Variants in CTIF observed in about 807,000 individuals in gnomAD.
The protein encoded by CTIF is CBP80/20-dependent translation initiation factor.
A neutral mutation model predicts 66.0 loss-of-function variants in CTIF; 21 were observed. The observed-to-expected ratio is 0.32, with a 90% confidence interval of 0.23 to 0.46. The LOEUF is 0.46. Ranked by LOEUF, CTIF falls within the 20% of genes least tolerant of loss-of-function variation. CTIF has a pLI of 1.00. For synonymous variants in CTIF, 345 were observed against 326.4 expected (o/e 1.06, Z -0.62); for missense variants, 739 against 812.7 (o/e 0.91, Z 1.10).
intron 9 of CTIF, among the ~76,000 whole-genome samples, chr18:48,776,433 C>T (rs1034041762): frequency 3.3e-5 from 5 of 152,218 alleles, no homozygotes; most frequent in East Asian, 1.9e-4. Context: ...TGCCATGGGG[C>T]GGGTCTGCAC....
At chr18:48,684,071 A>G (rs2091793867) in intron 6 of CTIF, among the ~76,000 whole-genome samples, 1 of 152,220 alleles carries the variant, frequency 6.6e-6, no homozygotes, top group Non-Finnish European at 1.5e-5. Context: ...ATTGGAGCAA[A>G]TGACCTCAGT....
At chr18:48,691,140 T>G (rs1016347207) in intron 6 of CTIF, among the ~76,000 whole-genome samples, 1 of 152,202 alleles carries the variant, frequency 6.6e-6, no homozygotes, top group Admixed American at 6.5e-5. Context: ...CAAAATAACT[T>G]CAGTGGAAAC....
intron 2 of CTIF, among the ~76,000 whole-genome samples, chr18:48,626,706 A>G (rs1319274046): frequency 4.0e-5 from 5 of 125,124 alleles, no homozygotes; most frequent in South Asian, 2.9e-4. Flanking sequence ...TCGAGGCTGG[A>G]GTGCAATGGT....
chr18:48,587,302 G>C (rs8095766), intron 1 of CTIF, among the ~76,000 whole-genome samples: 2,171 of 151,916 alleles, frequency 0.014, 45 homozygotes, highest in African/African-American at 0.051. Flanking sequence ...GGCTGGTCTC[G>C]AACTCCTGAC....
intron 5 of CTIF, 129 bp downstream of exon 5, chr18:48,664,680 A>G: frequency 1.4e-6 from 1 of 727,464 alleles, no homozygotes; most frequent in South Asian, 1.7e-5. Flanking sequence ...TGCTCTTCTT[A>G]TGCGTCCCAG....
At chr18:48,848,424 CAG>C (rs2069127684) in intron 10 of CTIF, among the ~76,000 whole-genome samples, 1 of 152,208 alleles carries the variant, frequency 6.6e-6, no homozygotes, top group Non-Finnish European at 1.5e-5. Context: ...CTCCTCCAGG[CAG>C]GGGCTGGGCT....
chr18:48,737,586 AG>A (rs1345355721), intron 7 of CTIF, among the ~76,000 whole-genome samples: 1 of 152,198 alleles, frequency 6.6e-6, no homozygotes, highest in African/African-American at 2.4e-5. Flanking sequence ...CAAAAGCAGA[AG>A]GAAATACATG....
chr18:48,841,130 C>T (rs984108273), intron 10 of CTIF, among the ~76,000 whole-genome samples: 1 of 152,096 alleles, frequency 6.6e-6, no homozygotes, highest in Non-Finnish European at 1.5e-5. Context: ...GGTAAAAGCC[C>T]CCTACATTTA....
At chr18:48,711,432 C>T (rs2092222344) in intron 6 of CTIF, among the ~76,000 whole-genome samples, 187 bp from the exon 7 acceptor site, 1 of 152,228 alleles carries the variant, frequency 6.6e-6, no homozygotes, top group African/African-American at 2.4e-5. Flanking sequence ...GCATCACTGC[C>T]TGGTAGGAAG....
chr18:48,798,335 A>G (rs1401444182), intron 9 of CTIF, among the ~76,000 whole-genome samples: 2 of 152,216 alleles, frequency 1.3e-5, no homozygotes, highest in African/African-American at 4.8e-5. Context: ...ACTGAAGCCC[A>G]GAGCTGTCAG....
At chr18:48,731,600 G>A (rs1056517707) in intron 7 of CTIF, among the ~76,000 whole-genome samples, 3 of 152,238 alleles carry the variant, frequency 2.0e-5, no homozygotes, top group Admixed American at 6.5e-5. Context: ...TAAGTGAAAG[G>A]TGTGTGGATG....
intron 1 of CTIF, among the ~76,000 whole-genome samples, chr18:48,591,930 T>C (rs1389311233): frequency 6.6e-6 from 1 of 152,158 alleles, no homozygotes; most frequent in African/African-American, 2.4e-5. Flanking sequence ...AAATTCTTTT[T>C]TTGTAGAGAT....
At chr18:48,574,809 A>G (rs1325798141) in intron 1 of CTIF, among the ~76,000 whole-genome samples, 1 of 152,220 alleles carries the variant, frequency 6.6e-6, no homozygotes, top group African/African-American at 2.4e-5. Context: ...CTCTTTCATT[A>G]GACACAGCCC....
intron 2 of CTIF, among the ~76,000 whole-genome samples, chr18:48,626,765 C>T (rs922335225): frequency 1.3e-5 from 2 of 150,100 alleles, no homozygotes; most frequent in African/African-American, 2.5e-5. Flanking sequence ...AAGCGATTCT[C>T]CTGCCTCAGC....
Position 48,548,240 on chromosome 18 carries a change from G to C in CTIF, c.-29+8928G>C, listed in dbSNP as rs1355617290. ...GTTCCCTTATAGGGCCTTCCCCTGG[G>C]GTAGGCAGTATCATGATCTCACCAG... On this transcript the variant is annotated intron_variant, in intron 1 of 11. Transcript: ENST00000256413. Among the ~76,000 whole-genome samples the C allele has an allele frequency of 2.0e-5, 3 of 152,152 alleles. No individual in the cohort carries two copies. In the South Asian group the frequency reaches 6.2e-4, roughly 32 times the overall value.
Position 48,791,418 on chromosome 18 carries a change from G to T in CTIF, c.1372-25803G>T, listed in dbSNP as rs571055726. Among the ~76,000 whole-genome samples, 5 of 152,292 alleles carry T rather than the reference G, an allele frequency of 3.3e-5. No individual in the cohort carries two copies. In the East Asian group the frequency reaches 5.8e-4, roughly 18 times the overall value. On this transcript the variant is annotated intron_variant, in intron 9 of 11. Coordinates refer to ENST00000256413, the MANE Select transcript of CTIF (RefSeq NM_014772.3). ...AGAAAGGCAGGCTCTGGATAGACAGGCAGGGACACAGGCAGGGCTACCAGA... is the reference window on the plus strand; with the variant it reads ...AGAAAGGCAGGCTCTGGATAGACAGTCAGGGACACAGGCAGGGCTACCAGA...
At chr18:48,766,006 G>A (rs937221387) in intron 9 of CTIF, among the ~76,000 whole-genome samples, 1 of 148,840 alleles carries the variant, frequency 6.7e-6, no homozygotes, top group Non-Finnish European at 1.5e-5. Flanking sequence ...ACAACATGCA[G>A]GTTAGTTACA....
chr18:48,627,993 C>T (rs565571785), intron 2 of CTIF, among the ~76,000 whole-genome samples: 7 of 152,224 alleles, frequency 4.6e-5, no homozygotes, highest in African/African-American at 9.6e-5. Context: ...ACCAGGAAGC[C>T]GTCTCCTTGC....
chr18:48,752,716 G>A (rs1418127098), intron 7 of CTIF, among the ~76,000 whole-genome samples: 2 of 152,160 alleles, frequency 1.3e-5, no homozygotes, highest in Non-Finnish European at 2.9e-5. Flanking sequence ...CTCTGTGCAG[G>A]CTGCCATACC....
Sources: allele counts gnomAD v4.1 joint callset (sites outside exome capture counted in the v4.1 genomes callset), GRCh38; gene constraint gnomAD v4.1.1; transcripts MANE v1.5; gene names NCBI Gene and HGNC (gene_info 2026-07-23, HGNC 2026-07-21).